Variants in IWS1 observed in about 807,000 individuals in gnomAD.
The protein encoded by IWS1 is interacts with SUPT6H, CTD assembly factor 1.
IWS1 carries 27 observed loss-of-function variants against 86.7 expected under a neutral mutation model. That is an observed-to-expected ratio of 0.31 (90% CI 0.23 to 0.43). IWS1 has a LOEUF of 0.43. Ranked by LOEUF, IWS1 falls within the 20% of genes least tolerant of loss-of-function variation. The pLI, the probability that IWS1 is intolerant of heterozygous loss-of-function variation, is 1.00. For missense variants in IWS1, 827 were observed against 1,000.8 expected (o/e 0.83, Z 2.34); for synonymous variants, 313 against 335.1 (o/e 0.93, Z 0.72).
chr2:127,503,049 C>T (rs1205297052), intron 4 of IWS1, among the ~76,000 whole-genome samples, 177 bp from the exon 5 acceptor site: 1 of 152,162 alleles, frequency 6.6e-6, no homozygotes, highest in Non-Finnish European at 1.5e-5. Flanking sequence ...CTCATGTAGC[C>T]TCCCCAGAAA....
At position 127,494,893 on chromosome 2, in the gene IWS1, G is replaced by A; in HGVS notation, c.1778C>T (p.Ala593Val). The A allele has an allele frequency of 6.2e-7, 1 of 1,600,526 alleles. No individual in the cohort carries two copies. Among genetic ancestry groups the A allele is most frequent in the South Asian group, 1.1e-5 (1 of 88,638 alleles). The change falls in exon 8 of 14, where the codon GCT becomes GTT. Residue 593 changes from alanine to valine, a missense_variant. Physicochemically the swap from Ala to Val is moderately conservative, Grantham distance 64 (BLOSUM62 0). This residue lies in a region of IWS1 where 279 missense variants were observed against 440.6 expected (regional missense o/e 0.63). Coordinates refer to ENST00000295321, the MANE Select transcript of IWS1 (RefSeq NM_017969.3). ...PALKKLTLLPAVVMHLKKQDL... is the reference protein window; with the variant it reads ...PALKKLTLLPVVVMHLKKQDL... ...TTACTTCTTAAGGTGCATAACTACA[G>A]CAGGCAGTAAAGTTAATTTTTTCAG...
chr2:127,520,315 C>T (rs1692023880), intron 2 of IWS1, among the ~76,000 whole-genome samples: 1 of 152,050 alleles, frequency 6.6e-6, no homozygotes, highest in South Asian at 2.1e-4. Flanking sequence ...ACTACAGGCG[C>T]AAACCACCAT....
intron 2 of IWS1, among the ~76,000 whole-genome samples, chr2:127,520,461 C>G (rs1422880533): frequency 2.6e-5 from 4 of 152,224 alleles, no homozygotes; most frequent in African/African-American, 9.6e-5. Context: ...GCCACCACGC[C>G]CGGCCTTTGC....
intron 2 of IWS1, among the ~76,000 whole-genome samples, chr2:127,510,775 T>C (rs1240245024): frequency 1.3e-5 from 2 of 152,112 alleles, no homozygotes; most frequent in African/African-American, 2.4e-5. Context: ...ATAATAATGA[T>C]GCAAACTCTT....
In IWS1 at chr2:127,526,420, T is replaced by TGGCGGGCGGGCAGGCATGCG; in HGVS notation, c.-232_-213dup. 3 of 1,536,296 alleles carry TGGCGGGCGGGCAGGCATGCG rather than the reference T, an allele frequency of 2.0e-6. No individual in the cohort carries two copies. The highest frequency in any genetic ancestry group is 1.7e-4 in the Middle Eastern group (1 of 5,970). On this transcript the variant is annotated 5_prime_UTR_variant, in exon 1 of 14. In the 5' UTR this introduces an upstream ATG that the reference lacks. Coordinates refer to ENST00000295321, the MANE Select transcript of IWS1 (RefSeq NM_017969.3). The stretch of plus-strand genomic sequence containing the variant: ...GCGGAAAAGGCCGTACCCGGCAGGC[T>TGGCGGGCGGGCAGGCATGCG]GGCGGGCGGGCAGGCATGCGAGCCG...
chr2:127,486,898 A>C (rs899662441), intron 12 of IWS1, among the ~76,000 whole-genome samples: 1 of 152,180 alleles, frequency 6.6e-6, no homozygotes, highest in Non-Finnish European at 1.5e-5. Flanking sequence ...CTTGCTCTGC[A>C]TTTGCATGAA....
chr2:127,493,398 T>C lies in IWS1; in HGVS notation c.1812A>G (p.Lys604=). ...VVMHLKKQDL[K]ETFIDSGVMS... ...TCACACCACTGTCAATGAATGTTTC[T>C]TTAAGGTCCTGCCTGCAGTAACAAT... Residue 604 remains lysine (K), a synonymous_variant, in exon 9 of 14, where the codon AAA becomes AAG. Transcript: ENST00000295321. The C allele has an allele frequency of 6.2e-7, 1 of 1,609,352 alleles. No homozygotes were observed.
intron 1 of IWS1, among the ~76,000 whole-genome samples, chr2:127,525,507 A>T (rs1692352174): frequency 6.6e-6 from 1 of 152,242 alleles, no homozygotes; most frequent in African/African-American, 2.4e-5. Context: ...ACAAAGGGAA[A>T]GCAAATGCGA....
intron 2 of IWS1, among the ~76,000 whole-genome samples, chr2:127,519,574 GT>G (rs1573567649): frequency 1.5e-5 from 2 of 133,306 alleles, no homozygotes; most frequent in East Asian, 5.8e-4. Flanking sequence ...CAGATGAGGG[GT>G]TTAAAAAAAA....
chr2:127,522,811 G>A (rs1329917704), intron 2 of IWS1, among the ~76,000 whole-genome samples: 1 of 152,102 alleles, frequency 6.6e-6, no homozygotes, highest in African/African-American at 2.4e-5. Flanking sequence ...TAAACAGAAA[G>A]GAAAATAAAG....
Position 127,489,127 on chromosome 2 carries a change from A to C in IWS1, c.2216+52T>G. The C allele has an allele frequency of 1.5e-6, 2 of 1,293,920 alleles. No individual in the cohort carries two copies. The highest frequency in any genetic ancestry group is 1.9e-4 in the Middle Eastern group (1 of 5,360). 80.2% of individuals were successfully genotyped at this position (1,293,920 alleles called of 1,614,324 possible). A position where few individuals can be genotyped will look rare whatever the true frequency, so the allele number is the denominator to read the frequency against. Reference sequence around the variant, plus strand: ...ATTTACTACTTTTCTTAAAGCAGCAAACGGAAATTCTCTATATAGTCTAGG... The same window carrying C: ...ATTTACTACTTTTCTTAAAGCAGCACACGGAAATTCTCTATATAGTCTAGG... On this transcript the variant is annotated intron_variant, in intron 12 of 13. Coordinates refer to ENST00000295321, the MANE Select transcript of IWS1 (RefSeq NM_017969.3). This position sits in a 1 kb window ranked among gnomAD's most constrained non-coding sequence, Gnocchi z 4.8.
At chr2:127,495,151 T>C (rs1176433216) in intron 7 of IWS1, among the ~76,000 whole-genome samples, 197 bp from the exon 8 acceptor site, 2 of 152,154 alleles carry the variant, frequency 1.3e-5, no homozygotes, top group African/African-American at 2.4e-5. Flanking sequence ...AAAAAACTAT[T>C]AGAATAATTG....
chr2:127,517,123 T>G (rs905596596), intron 2 of IWS1, among the ~76,000 whole-genome samples: 1 of 152,132 alleles, frequency 6.6e-6, no homozygotes, highest in East Asian at 1.9e-4. Context: ...TAAATAGACA[T>G]CCCGTGTTCT....
Position 127,493,739 on chromosome 2 carries a change from ATCAAAATAGTGATTCTTG to A in IWS1, c.1800-347_1800-330del, listed in dbSNP as rs1404506028. Reference sequence around the variant, plus strand: ...ACTAAAAAAAAAAAACGTTCAATCTATCAAAATAGTGATTCTTGAACAGTTTTACATGGTGGTGAACCC... The same window carrying A: ...ACTAAAAAAAAAAAACGTTCAATCTAAACAGTTTTACATGGTGGTGAACCC... On this transcript the variant is annotated intron_variant, in intron 8 of 13. Transcript: ENST00000295321. 2.0e-5 allele frequency among the ~76,000 whole-genome samples: 3 copies of A among 151,246 alleles called. No individual in the cohort carries two copies. In the East Asian group the frequency reaches 5.8e-4, roughly 29 times the overall value.
chr2:127,483,571 C>CAGGG (rs1553431164), intron 13 of IWS1, among the ~76,000 whole-genome samples: 1 of 20,188 alleles, frequency 5.0e-5, no homozygotes, highest in African/African-American at 2.5e-4. Context: ...ATAATTTGGT[C>CAGGG]GGGGCGGGGG....
At chr2:127,509,430 C>A (rs1054205381) in intron 2 of IWS1, among the ~76,000 whole-genome samples, 4 of 152,062 alleles carry the variant, frequency 2.6e-5, no homozygotes, top group Admixed American at 2.6e-4. Flanking sequence ...ATAATGCCGC[C>A]GGGCGCAGTG....
intron 3 of IWS1, 129 bp downstream of exon 3, chr2:127,504,555 T>A: frequency 1.4e-6 from 1 of 722,518 alleles, no homozygotes; most frequent in South Asian, 1.8e-5. Context: ...AGTGTCCTAC[T>A]GATATTTTAG....
At chr2:127,502,653 A>T in intron 5 of IWS1, 162 bp downstream of exon 5, 1 of 457,944 alleles carries the variant, frequency 2.2e-6, no homozygotes. Flanking sequence ...CTTTGTATAT[A>T]CGCTTTCATT....
chr2:127,481,315 G>T (rs982990653), intron 13 of IWS1, 140 bp from the exon 14 acceptor site: 16 of 661,358 alleles, frequency 2.4e-5, no homozygotes, highest in Non-Finnish European at 3.6e-5. Flanking sequence ...ATGACCTCAA[G>T]AACAACAAAG....
Sources: gnomAD v4.1 joint callset for allele counts (sites outside exome capture counted in the v4.1 genomes callset) on GRCh38, gnomAD v4.1.1 for gene constraint, gnomAD v4.1.1 regional missense constraint, Gnocchi (gnomAD v3.1) non-coding constraint, MANE v1.5 for transcripts, NCBI Gene and HGNC (gene_info 2026-07-23, HGNC 2026-07-21) for gene names.